Variants in SCFD1 observed in about 807,000 individuals in gnomAD.
The protein encoded by SCFD1 is sec1 family domain containing 1, also known as sec1 family domain-containing protein 1.
SCFD1 carries 37 observed loss-of-function variants against 103.2 expected under a neutral mutation model. That is an observed-to-expected ratio of 0.36 (90% CI 0.28 to 0.47). SCFD1 has a LOEUF of 0.47. SCFD1 is among the 20% of genes least tolerant of loss of function. The pLI, the probability that SCFD1 is intolerant of heterozygous loss-of-function variation, is 1.00. For missense variants in SCFD1, 639 were observed against 761.2 expected (o/e 0.84, Z 1.89); for synonymous variants, 264 against 245.0 (o/e 1.08, Z -0.73).
intron 14 of SCFD1, among the ~76,000 whole-genome samples, chr14:30,683,791 G>C (rs1319680444): frequency 6.6e-6 from 1 of 152,212 alleles, no homozygotes; most frequent in Admixed American, 6.5e-5. Context: ...CTGAGAAGTA[G>C]GGAGAAAGGA....
At chr14:30,637,195 C>T (rs187015905) in intron 4 of SCFD1, among the ~76,000 whole-genome samples, 115 of 152,100 alleles carry the variant, frequency 7.6e-4, no homozygotes, top group Non-Finnish European at 6.5e-4. Flanking sequence ...CTACAATTCT[C>T]CCTCTCTTCC....
chr14:30,646,557 CA>C (rs1462892921), intron 7 of SCFD1, among the ~76,000 whole-genome samples: 3 of 151,980 alleles, frequency 2.0e-5, no homozygotes, highest in African/African-American at 7.3e-5. Flanking sequence ...CTGTATTCAT[CA>C]GGGGTATCAG....
rs1451538415 is a variant in SCFD1, at chr14:30,735,832, G to C, written c.*223G>C. 9.3e-6 allele frequency: 4 copies of C among 429,568 alleles called. No homozygotes were observed. The highest frequency in any genetic ancestry group is 1.7e-5 in the Non-Finnish European group (4 of 240,940). 26.6% of individuals were successfully genotyped at this position (429,568 alleles called of 1,614,324 possible). A position where few individuals can be genotyped will look rare whatever the true frequency, so the allele number is the denominator to read the frequency against. On this transcript the variant is annotated 3_prime_UTR_variant, in exon 25 of 25. Coordinates refer to ENST00000458591, the MANE Select transcript of SCFD1 (RefSeq NM_016106.4). ...ATTGTTCATTTTCTCTGATAAATCA[G>C]AAAGTACTAATATAATAACTAATAG...
At chr14:30,725,261 C>T (rs867035327) in intron 23 of SCFD1, among the ~76,000 whole-genome samples, 1 of 151,986 alleles carries the variant, frequency 6.6e-6, no homozygotes, top group African/African-American at 2.4e-5. Flanking sequence ...TTGAATCTAC[C>T]AATTGCTTTG....
At chr14:30,716,084 G>C in intron 20 of SCFD1, 107 bp downstream of exon 20, 1 of 711,780 alleles carries the variant, frequency 1.4e-6, no homozygotes, top group Admixed American at 2.7e-5. Context: ...AATCACAGCA[G>C]AATACATGAG....
chr14:30,725,337 G>A (rs1336758397), intron 23 of SCFD1, among the ~76,000 whole-genome samples: 1 of 152,108 alleles, frequency 6.6e-6, no homozygotes, highest in Non-Finnish European at 1.5e-5. Context: ...TTTTCCATTT[G>A]TTTGTGTCAT....
At chr14:30,624,520 A>G (rs1438144654) in intron 1 of SCFD1, among the ~76,000 whole-genome samples, 1 of 152,152 alleles carries the variant, frequency 6.6e-6, no homozygotes, top group Non-Finnish European at 1.5e-5. Context: ...AAGATCTTTC[A>G]GTAAATCTTG....
chr14:30,730,071 A>G (rs1893339615), intron 23 of SCFD1, among the ~76,000 whole-genome samples: 1 of 151,988 alleles, frequency 6.6e-6, no homozygotes, highest in Admixed American at 6.6e-5. Context: ...AAGTGTTCTC[A>G]TTGTTCATTT....
chr14:30,636,930 A>T (rs1210756733), intron 4 of SCFD1, among the ~76,000 whole-genome samples: 1 of 151,972 alleles, frequency 6.6e-6, no homozygotes, highest in Admixed American at 6.6e-5. Flanking sequence ...TCATTCTTTG[A>T]CCACTTCCTT....
intron 19 of SCFD1, among the ~76,000 whole-genome samples, chr14:30,712,179 T>G (rs1891930811): frequency 6.6e-6 from 1 of 152,206 alleles, no homozygotes; most frequent in Non-Finnish European, 1.5e-5. Flanking sequence ...CTCCAGTGTT[T>G]CCAGTGTCCA....
intron 19 of SCFD1, among the ~76,000 whole-genome samples, chr14:30,710,674 A>T (rs904888873): frequency 6.6e-6 from 1 of 152,158 alleles, no homozygotes; most frequent in Non-Finnish European, 1.5e-5. Flanking sequence ...TCGAGTAAAG[A>T]GTCTCTAGAA....
chr14:30,630,494 AT>A lies in SCFD1; in HGVS notation c.153del (p.Phe51LeufsTer5). ...TTTAATAGGTACTCATTTATGACAG[AT>A]TTGGCCAAGATATAATCTCTCCTCT... Reference protein sequence around the residue: ...PVWKVLIYDRFGQDIISPLLS... With the variant: ...PVWKVLIYDRXGQDIISPLLS... On this transcript the variant is annotated frameshift_variant, in exon 3 of 25. Transcript: ENST00000458591. LOFTEE classifies it high-confidence loss of function. 1 of 1,595,522 alleles carries A rather than the reference AT, an allele frequency of 6.3e-7. No individual in the cohort carries two copies. Among genetic ancestry groups the A allele is most frequent in the Non-Finnish European group, 8.6e-7 (1 of 1,163,828 alleles).
Position 30,638,192 on chromosome 14 carries a change from T to C in SCFD1, c.380T>C (p.Leu127Pro), listed in dbSNP as rs748124821. 10 of 1,612,712 alleles carry C rather than the reference T, an allele frequency of 6.2e-6. No homozygotes were observed. Residue 127 changes from leucine to proline, a missense_variant, in exon 5 of 25, where the codon CTG becomes CCG. Coordinates refer to ENST00000458591, the MANE Select transcript of SCFD1 (RefSeq NM_016106.4). ...ATTTCTGCTATTTCAAGAAGTAAAC[T>C]GGAAGATATTGCAAATGCAGCGTTA... is the stretch of plus-strand genomic sequence containing the variant. ...NFISAISRSK[L>P]EDIANAALAA...
intron 19 of SCFD1, among the ~76,000 whole-genome samples, chr14:30,710,763 T>C (rs1277421773): frequency 6.6e-6 from 1 of 151,988 alleles, no homozygotes; most frequent in Non-Finnish European, 1.5e-5. Flanking sequence ...TGGTGGGAGG[T>C]CTTGGGCAGT....
chr14:30,649,206 C>G (rs147897977), intron 7 of SCFD1, among the ~76,000 whole-genome samples: 17 of 152,106 alleles, frequency 1.1e-4, no homozygotes, highest in Middle Eastern at 3.4e-3. Flanking sequence ...AATTATAAAT[C>G]CTTTTATGTG....
intron 10 of SCFD1, among the ~76,000 whole-genome samples, chr14:30,668,612 G>C (rs567366093): frequency 6.6e-6 from 1 of 151,858 alleles, no homozygotes; most frequent in African/African-American, 2.4e-5. Flanking sequence ...GTGAACAGGC[G>C]GCCTACAGAA....
chr14:30,695,801 G>A (rs1890658324), intron 15 of SCFD1, among the ~76,000 whole-genome samples: 1 of 152,096 alleles, frequency 6.6e-6, no homozygotes, highest in East Asian at 1.9e-4. Flanking sequence ...GAGCCTAGGA[G>A]TACGATGTTG....
chr14:30,654,494 C>T (rs995590222), intron 10 of SCFD1, among the ~76,000 whole-genome samples: 6 of 152,138 alleles, frequency 3.9e-5, no homozygotes, highest in Non-Finnish European at 7.4e-5. Context: ...GCCAACGTGG[C>T]GAAATCCTGT....
At chr14:30,667,991 A>C (rs377273963) in intron 10 of SCFD1, among the ~76,000 whole-genome samples, 5,303 of 152,318 alleles carry the variant, frequency 0.035, 123 homozygotes, top group Middle Eastern at 0.061. Context: ...GGTAATTTAT[A>C]GATTCAATGC....
Sources: allele counts gnomAD v4.1 joint callset (sites outside exome capture counted in the v4.1 genomes callset), GRCh38; gene constraint gnomAD v4.1.1; transcripts MANE v1.5; gene names NCBI Gene and HGNC (gene_info 2026-07-23, HGNC 2026-07-21).